Variants in TOP1 observed in about 807,000 individuals in gnomAD.
TOP1 encodes DNA topoisomerase I.
Under a neutral mutation model 111.1 loss-of-function variants are expected in TOP1, and 10 were observed. That is an observed-to-expected ratio of 0.09 (90% CI 0.06 to 0.15). The LOEUF is 0.15. Ranked by LOEUF, TOP1 falls within the 10% of genes least tolerant of loss-of-function variation. The probability of loss-of-function intolerance (pLI) is 1.00; values close to 1 mark genes in which losing one functional copy is unlikely to be tolerated. For synonymous variants in TOP1, 271 were observed against 302.9 expected, an observed-to-expected ratio of 0.89 and a Z score of 1.10; for missense variants, 474 against 926.7, an observed-to-expected ratio of 0.51 and a Z score of 6.34.
In TOP1 at chr20:41,114,251, C is replaced by A; in HGVS notation, c.1638+96C>A. 2 of 1,117,410 alleles carry A rather than the reference C, an allele frequency of 1.8e-6. No homozygotes were observed. The highest frequency in any genetic ancestry group is 2.6e-6 in the Non-Finnish European group (2 of 767,190). 69.2% of individuals were successfully genotyped at this position (1,117,410 alleles called of 1,614,324 possible). On this transcript the variant is annotated intron_variant, in intron 15 of 20. Coordinates refer to ENST00000361337, the MANE Select transcript of TOP1 (RefSeq NM_003286.4). This position sits in a 1 kb window ranked among gnomAD's most constrained non-coding sequence, Gnocchi z 4.5. ...GTGTGCTTTGCACTTTGCTGGGCACCAGCAAAAGTGACTTGAGACAGGCAA... is the reference window on the plus strand; with the variant it reads ...GTGTGCTTTGCACTTTGCTGGGCACAAGCAAAAGTGACTTGAGACAGGCAA...
Position 41,116,511 on chromosome 20 carries a change from T to C in TOP1, c.1822+119T>C, listed in dbSNP as rs2034332720. On this transcript the variant is annotated intron_variant, in intron 17 of 20. Coordinates refer to ENST00000361337, the MANE Select transcript of TOP1 (RefSeq NM_003286.4). The surrounding 1 kb of genome is among the most constrained non-coding windows in gnomAD (Gnocchi z 5.6). ...TCCCTACCATTGTGGTCAGACACTTTTTCCCTTTAGACCTCTAGTAGCGAG... is the reference window on the plus strand; with the variant it reads ...TCCCTACCATTGTGGTCAGACACTTCTTCCCTTTAGACCTCTAGTAGCGAG... 12 of 726,450 alleles carry C rather than the reference T, an allele frequency of 1.7e-5. No individual in the cohort carries two copies. In the South Asian group the frequency reaches 1.7e-4, roughly 11 times the overall value. 45.0% of individuals were successfully genotyped at this position (726,450 alleles called of 1,614,324 possible).
At chr20:41,096,433 G>T (rs1351411156) in intron 9 of TOP1, among the ~76,000 whole-genome samples, 4 of 152,214 alleles carry the variant, frequency 2.6e-5, no homozygotes, top group Non-Finnish European at 5.9e-5. Context: ...TTGTGCTGTG[G>T]ATGCATCCTG....
chr20:41,038,002 A>G (rs1184552095), intron 2 of TOP1, among the ~76,000 whole-genome samples: 1 of 152,096 alleles, frequency 6.6e-6, no homozygotes, highest in Admixed American at 6.5e-5. Flanking sequence ...AATATGGGGA[A>G]AAAAATCTGG....
At chr20:41,036,363 A>G (rs1291063447) in intron 2 of TOP1, among the ~76,000 whole-genome samples, 1 of 152,228 alleles carries the variant, frequency 6.6e-6, no homozygotes. Context: ...AAATTGGTGT[A>G]GGATTCCGAA....
rs142972279 is a variant in TOP1, at chr20:41,095,378, A to AT, written c.731-1835dup. 0.041 allele frequency among the ~76,000 whole-genome samples: 6,260 copies of AT among 151,988 alleles called. 672 individuals are homozygous for AT. The East Asian group carries it at 0.45, about 11-fold the overall frequency. ...TTTTTAAATGGTGTTAACAGTTTAC[A>AT]TTTTTTTCTTGCCATTTTATTTCAT... On this transcript the variant is annotated intron_variant, in intron 9 of 20. Transcript: ENST00000361337. The surrounding 1 kb of genome is among the most constrained non-coding windows in gnomAD (Gnocchi z 4.6).
intron 13 of TOP1, among the ~76,000 whole-genome samples, chr20:41,108,940 C>T (rs1197835062): frequency 6.6e-6 from 1 of 152,196 alleles, no homozygotes; most frequent in Non-Finnish European, 1.5e-5. Context: ...TTTTTTCAAA[C>T]CAGCCTTAAC....
rs1038949628 is a variant in TOP1, at chr20:41,029,162, C to T, written c.33+62C>T. 30 of 1,300,996 alleles carry T rather than the reference C, an allele frequency of 2.3e-5. No individual in the cohort carries two copies. Among genetic ancestry groups the T allele is most frequent in the African/African-American group, 1.7e-4 (11 of 63,914 alleles). The allele number at this position is 1,300,996 out of a possible 1,614,324, so 80.6% of individuals were successfully genotyped here. ...GGCCTGGCCGTCCCGCGACCCCCGGCGCAGGCCCCGACCCCAGCCCCGGCC... is the reference window on the plus strand; with the variant it reads ...GGCCTGGCCGTCCCGCGACCCCCGGTGCAGGCCCCGACCCCAGCCCCGGCC... On this transcript the variant is annotated intron_variant, in intron 1 of 20. Coordinates refer to ENST00000361337, the MANE Select transcript of TOP1 (RefSeq NM_003286.4). The surrounding 1 kb of genome is among the most constrained non-coding windows in gnomAD (Gnocchi z 6.1).
In TOP1 at chr20:41,094,549, T is replaced by C. The variant is rs548124409; in HGVS notation, c.730+1962T>C. Among the ~76,000 whole-genome samples, 74 of 152,294 alleles carry C rather than the reference T, an allele frequency of 4.9e-4. No individual in the cohort carries two copies. The highest frequency in any genetic ancestry group is 1.7e-3 in the African/African-American group (71 of 41,574). On this transcript the variant is annotated intron_variant, in intron 9 of 20. Coordinates refer to ENST00000361337, the MANE Select transcript of TOP1 (RefSeq NM_003286.4). The surrounding 1 kb of genome is among the most constrained non-coding windows in gnomAD (Gnocchi z 4.4). ...TAGTTCACAGGTTGCCATAGTCCTT[T>C]CCTCCCATTCTTGCCCAGTCCTCCT...
chr20:41,029,181 C>A lies in TOP1; in HGVS notation c.33+81C>A. 1 of 1,149,386 alleles carries A rather than the reference C, an allele frequency of 8.7e-7. No individual in the cohort carries two copies. The highest frequency in any genetic ancestry group is 1.1e-6 in the Non-Finnish European group (1 of 871,750). 71.2% of individuals were successfully genotyped at this position (1,149,386 alleles called of 1,614,324 possible). A position where few individuals can be genotyped will look rare whatever the true frequency, so the allele number is the denominator to read the frequency against. ...CCCCGGCGCAGGCCCCGACCCCAGCCCCGGCCCGGCAGCTTTGACAGGCCG... is the reference window on the plus strand; with the variant it reads ...CCCCGGCGCAGGCCCCGACCCCAGCACCGGCCCGGCAGCTTTGACAGGCCG... On this transcript the variant is annotated intron_variant, in intron 1 of 20. Coordinates refer to ENST00000361337, the MANE Select transcript of TOP1 (RefSeq NM_003286.4). This position sits in a 1 kb window ranked among gnomAD's most constrained non-coding sequence, Gnocchi z 6.1.
chr20:41,036,987 C>T lies in TOP1; in HGVS notation c.58+7532C>T, dbSNP rs1029251780. The stretch of plus-strand genomic sequence containing the variant: ...CTGGGACTACAGGCGCCCGCCACCA[C>T]GCCTGGCTAATTTTTTGTATTTTTA... On this transcript the variant is annotated intron_variant, in intron 2 of 20. Transcript: ENST00000361337. Among the ~76,000 whole-genome samples, 4 of 152,178 alleles carry T rather than the reference C, an allele frequency of 2.6e-5. No individual in the cohort carries two copies. The East Asian group carries it at 5.8e-4, about 22-fold the overall frequency.
At chr20:41,065,901 T>C (rs1300838142) in intron 3 of TOP1, among the ~76,000 whole-genome samples, 1 of 152,174 alleles carries the variant, frequency 6.6e-6, no homozygotes, top group Non-Finnish European at 1.5e-5. Context: ...GTAGAATTGC[T>C]AGATCATGTC....
At chr20:41,050,358 C>G (rs78046442) in intron 2 of TOP1, among the ~76,000 whole-genome samples, 3,034 of 152,328 alleles carry the variant, frequency 0.02, 45 homozygotes, top group Non-Finnish European at 0.033. Flanking sequence ...AGAGCTGAAT[C>G]CTCCCAGCAG....
At position 41,122,114 on chromosome 20, in the gene TOP1, C is replaced by G; in HGVS notation, c.2154C>G (p.Thr718=). 6.2e-7 allele frequency: 1 copy of G among 1,614,168 alleles called. No homozygotes were observed. The highest frequency in any genetic ancestry group is 1.1e-5 in the South Asian group (1 of 91,076). The change falls in exon 20 of 21, where the codon ACC becomes ACG. Residue 718 remains threonine (T), a synonymous_variant. Coordinates refer to ENST00000361337, the MANE Select transcript of TOP1 (RefSeq NM_003286.4). The surrounding 1 kb of genome is among the most constrained non-coding windows in gnomAD (Gnocchi z 5.4). The part of the protein sequence containing the change: ...REENKQIALG[T]SKLNYLDPRI... Reference sequence around the variant, plus strand: ...AAAATAAACAGATTGCCCTGGGAACCTCCAAACTCAATTATCTGGACCCTA... The same window carrying G: ...AAAATAAACAGATTGCCCTGGGAACGTCCAAACTCAATTATCTGGACCCTA...
chr20:41,091,223 G>T (rs1012368743), intron 8 of TOP1, among the ~76,000 whole-genome samples: 4 of 152,146 alleles, frequency 2.6e-5, no homozygotes, highest in Non-Finnish European at 5.9e-5. Flanking sequence ...ATAAAATATT[G>T]TACTTGGAAA....
rs2033967308 is a variant in TOP1 at position 41,095,214 on chromosome 20, A to G, written c.731-2006A>G. 6.6e-6 allele frequency among the ~76,000 whole-genome samples: 1 copy of G among 151,772 alleles called. No homozygotes were observed. ...TTAACAGGCACGTGCCACCACACCTAAGTTTTGTATTTTTAATAGAGACAG... is the reference window on the plus strand; with the variant it reads ...TTAACAGGCACGTGCCACCACACCTGAGTTTTGTATTTTTAATAGAGACAG... On this transcript the variant is annotated intron_variant, in intron 9 of 20. Transcript: ENST00000361337. The surrounding 1 kb of genome is among the most constrained non-coding windows in gnomAD (Gnocchi z 4.6).
chr20:41,122,933 C>G lies in TOP1; in HGVS notation c.2196-262C>G, dbSNP rs771063908. On this transcript the variant is annotated intron_variant, in intron 20 of 20. Transcript: ENST00000361337. This position sits in a 1 kb window ranked among gnomAD's most constrained non-coding sequence, Gnocchi z 5.4. ...TTACCAGCTAGCTGTGTGAGAAAAT[C>G]AGTAAATTACCTAACGTCTCTGCCT... Among the ~76,000 whole-genome samples, 3 of 152,232 alleles carry G rather than the reference C, an allele frequency of 2.0e-5. No homozygotes were observed. Among genetic ancestry groups the G allele is most frequent in the Non-Finnish European group, 4.4e-5 (3 of 68,038 alleles).
rs2034447031 is a variant in TOP1, at chr20:41,123,098, G to T, written c.2196-97G>T. The T allele has an allele frequency of 5.2e-6, 4 of 769,450 alleles. No homozygotes were observed. In the Admixed American group the frequency reaches 8.5e-5, roughly 16 times the overall value. 47.7% of individuals were successfully genotyped at this position (769,450 alleles called of 1,614,324 possible). On this transcript the variant is annotated intron_variant, in intron 20 of 20. Coordinates refer to ENST00000361337, the MANE Select transcript of TOP1 (RefSeq NM_003286.4). The surrounding 1 kb of genome is among the most constrained non-coding windows in gnomAD (Gnocchi z 5.8). ...TATTAATTTGCATCCTCACTAGACA[G>T]ATGTGAAAGAGAAGATGGAACATCT...
In TOP1 at chr20:41,038,463, G is replaced by A. The variant is rs138303914; in HGVS notation, c.58+9008G>A. On this transcript the variant is annotated intron_variant, in intron 2 of 20. Transcript: ENST00000361337. ...GCTTTATTAGGCTTTTGTACAAAGG[G>A]AACATCTTTACTTTCTTTAAATTTG... 2.3e-3 allele frequency among the ~76,000 whole-genome samples: 347 copies of A among 152,210 alleles called. 1 individual carries two copies. Among genetic ancestry groups the A allele is most frequent in the Non-Finnish European group, 3.6e-3 (245 of 68,008 alleles).
At position 41,082,976 on chromosome 20, in the gene TOP1, T is replaced by G. The variant is rs1407970685; in HGVS notation, c.508-1486T>G. On this transcript the variant is annotated intron_variant, in intron 7 of 20. Transcript: ENST00000361337. The surrounding 1 kb of genome is among the most constrained non-coding windows in gnomAD (Gnocchi z 4.1). ...ACCACATAGGGGGAAAAATGCTGGC[T>G]GAAAGACTGAATTAATACAATCTTA... Among the ~76,000 whole-genome samples, 1 of 152,228 alleles carries G rather than the reference T, an allele frequency of 6.6e-6. No individual in the cohort carries two copies. Among genetic ancestry groups the G allele is most frequent in the East Asian group, 1.9e-4 (1 of 5,204 alleles).
Sources: gnomAD v4.1 joint callset for allele counts (sites outside exome capture counted in the v4.1 genomes callset) on GRCh38, gnomAD v4.1.1 for gene constraint, Gnocchi (gnomAD v3.1) non-coding constraint, MANE v1.5 for transcripts, NCBI Gene and HGNC (gene_info 2026-07-23, HGNC 2026-07-21) for gene names.